The following SYT1 variants were observed in gnomAD, a reference collection of about 807,000 sequenced individuals.
The protein encoded by SYT1 is synaptotagmin 1.
Under a neutral mutation model 44.8 loss-of-function variants are expected in SYT1, and 8 were observed. The ratio of observed to expected loss-of-function variants is 0.18; its 90% CI spans 0.10 to 0.32. The LOEUF (loss-of-function observed/expected upper bound fraction) is 0.32. SYT1 is among the 10% of genes least tolerant of loss of function. The pLI is 1.00. For missense variants in SYT1, 286 were observed against 509.3 expected (o/e 0.56, Z 4.22); for synonymous variants, 154 against 188.8 (o/e 0.82, Z 1.51).
At chr12:78,984,842 G>A (rs1435646807) in intron 2 of SYT1, among the ~76,000 whole-genome samples, 2 of 151,968 alleles carry the variant, frequency 1.3e-5, no homozygotes, top group South Asian at 2.1e-4. Flanking sequence ...CGGTCACTTC[G>A]TTAGAGACTT....
intron 8 of SYT1, among the ~76,000 whole-genome samples, chr12:79,317,801 C>T (rs1881168724): frequency 1.3e-5 from 2 of 152,114 alleles, no homozygotes; most frequent in African/African-American, 4.8e-5. Flanking sequence ...AGTGAGAGGA[C>T]TGAGTGCACT....
intron 2 of SYT1, among the ~76,000 whole-genome samples, chr12:78,978,919 A>G (rs1245255641): frequency 6.6e-6 from 1 of 152,234 alleles, no homozygotes; most frequent in African/African-American, 2.4e-5. Context: ...CCTATTTATT[A>G]AGTAAATGTA....
intron 9 of SYT1, among the ~76,000 whole-genome samples, chr12:79,374,742 T>C (rs1593011876): frequency 1.3e-5 from 2 of 152,188 alleles, no homozygotes. Context: ...TCAGCAAATA[T>C]GTATTAAATG....
intron 2 of SYT1, among the ~76,000 whole-genome samples, chr12:79,012,905 C>T (rs931500435): frequency 2.6e-5 from 4 of 152,228 alleles, no homozygotes; most frequent in East Asian, 3.9e-4. Flanking sequence ...CCCAGCCCAC[C>T]TCCAGATGCA....
chr12:79,060,751 T>C (rs1291637370), intron 3 of SYT1, among the ~76,000 whole-genome samples: 1 of 152,220 alleles, frequency 6.6e-6, no homozygotes, highest in South Asian at 2.1e-4. Flanking sequence ...AAATGAAATC[T>C]TTTTGCCAAT....
intron 3 of SYT1, among the ~76,000 whole-genome samples, chr12:79,154,438 G>C (rs1870468095): frequency 6.6e-6 from 1 of 151,148 alleles, no homozygotes; most frequent in Admixed American, 6.6e-5. Context: ...GGGATCTGAG[G>C]GACAGAGAAG....
At chr12:78,903,131 A>C in intron 1 of SYT1, among the ~76,000 whole-genome samples, 1 of 152,056 alleles carries the variant, frequency 6.6e-6, no homozygotes, top group East Asian at 1.9e-4. Flanking sequence ...CATAGAAGTA[A>C]AATAAAAAAT....
intron 2 of SYT1, among the ~76,000 whole-genome samples, chr12:79,014,267 T>C (rs1871646634): frequency 1.3e-5 from 2 of 152,170 alleles, no homozygotes; most frequent in African/African-American, 4.8e-5. Context: ...ATTTATTTTT[T>C]CTGAAATTTA....
chr12:78,917,542 A>C (rs1033888189), intron 1 of SYT1, among the ~76,000 whole-genome samples: 1 of 151,888 alleles, frequency 6.6e-6, no homozygotes, highest in Admixed American at 6.6e-5. Context: ...GCACACCAAC[A>C]TGGCACAAGT....
chr12:79,225,798 T>C (rs985162815), intron 4 of SYT1, among the ~76,000 whole-genome samples: 26 of 152,212 alleles, frequency 1.7e-4, no homozygotes, highest in African/African-American at 5.5e-4. Context: ...CATTTCCTTT[T>C]GGTCTTTGCC....
intron 9 of SYT1, among the ~76,000 whole-genome samples, chr12:79,374,068 C>T (rs1381641249): frequency 2.0e-5 from 3 of 152,164 alleles, no homozygotes; most frequent in East Asian, 1.9e-4. Flanking sequence ...CCCTCTGGCA[C>T]CCCACCCCAC....
chr12:78,894,587 A>G (rs1875250981), intron 1 of SYT1, among the ~76,000 whole-genome samples: 1 of 151,562 alleles, frequency 6.6e-6, no homozygotes, highest in African/African-American at 2.4e-5. Flanking sequence ...ATGCATATTA[A>G]GTGCTTATCA....
rs756822055 is a variant in SYT1 at position 79,299,346 on chromosome 12, T to A, written c.643-38T>A. ...ACAAGTAACATGTTTTAAGCATTTT[T>A]GTGACTGGATATTTTATCCTCATGT... is the stretch of plus-strand genomic sequence containing the variant. On this transcript the variant is annotated intron_variant, in intron 7 of 10. Coordinates refer to ENST00000261205, the MANE Select transcript of SYT1 (RefSeq NM_005639.3). 5 of 1,605,026 alleles carry A rather than the reference T, an allele frequency of 3.1e-6. No homozygotes were observed. The Admixed American group carries it at 5.1e-5, about 17-fold the overall frequency.
At chr12:79,178,222 A>G (rs1355992951) in intron 3 of SYT1, among the ~76,000 whole-genome samples, 1 of 145,150 alleles carries the variant, frequency 6.9e-6, no homozygotes. Flanking sequence ...TGATTTTCTA[A>G]TTCTATCATT....
At chr12:79,436,832 T>C (rs558132644) in intron 9 of SYT1, among the ~76,000 whole-genome samples, 2 of 152,280 alleles carry the variant, frequency 1.3e-5, no homozygotes, top group African/African-American at 4.8e-5. Context: ...TATTTTGCCA[T>C]AGGAATCTTA....
At chr12:78,948,746 C>T (rs961834965) in intron 1 of SYT1, among the ~76,000 whole-genome samples, 7 of 151,860 alleles carry the variant, frequency 4.6e-5, no homozygotes, top group South Asian at 4.1e-4. Context: ...AAACTGAACA[C>T]GTTAGCATTT....
At chr12:78,990,533 TA>T (rs1869948034) in intron 2 of SYT1, among the ~76,000 whole-genome samples, 1 of 152,182 alleles carries the variant, frequency 6.6e-6, no homozygotes, top group African/African-American at 2.4e-5. Flanking sequence ...CATGTGTTTT[TA>T]AGTACAAATT....
intron 2 of SYT1, among the ~76,000 whole-genome samples, chr12:79,012,350 G>C (rs1871470444): frequency 6.6e-6 from 1 of 152,068 alleles, no homozygotes; most frequent in South Asian, 2.1e-4. Flanking sequence ...GAAGACAACT[G>C]TGGACTAGAC....
At chr12:79,386,792 A>T (rs1480455990) in intron 9 of SYT1, among the ~76,000 whole-genome samples, 11 of 152,164 alleles carry the variant, frequency 7.2e-5, no homozygotes, top group Admixed American at 7.2e-4. Flanking sequence ...AGCCTCGTGC[A>T]TCCATGGGTC....
Sources: allele counts gnomAD v4.1 joint callset (sites outside exome capture counted in the v4.1 genomes callset), GRCh38; gene constraint gnomAD v4.1.1; transcripts MANE v1.5; gene names NCBI Gene and HGNC (gene_info 2026-07-23, HGNC 2026-07-21).